GJB7: variants seen among roughly 807,000 people sequenced by gnomAD.
The protein encoded by GJB7 is gap junction protein beta 7.
For missense variants in GJB7, 253 were observed against 256.8 expected (o/e 0.99, Z 0.10); for synonymous variants, 87 against 95.2 (o/e 0.91, Z 0.50).
chr6:87,322,169 G>A (rs568096739), intron 2 of GJB7: 1 of 152,278 alleles, frequency 6.6e-6, no homozygotes, highest in South Asian at 2.1e-4. Flanking sequence ...AGGCCCTAAC[G>A]TAATGGCAGA....
At chr6:87,303,450 A>C (rs951450406) in intron 2 of GJB7, among the ~76,000 whole-genome samples, 6 of 152,250 alleles carry the variant, frequency 3.9e-5, no homozygotes, top group African/African-American at 1.4e-4. Flanking sequence ...ATAAAGGTAA[A>C]GGGATCAATT....
intron 1 of GJB7, among the ~76,000 whole-genome samples, chr6:87,328,912 G>C (rs1663874835): frequency 6.6e-6 from 1 of 152,182 alleles, no homozygotes; most frequent in South Asian, 2.1e-4. Context: ...AGACTCCGTG[G>C]GCGTAGGACC....
intron 1 of GJB7, among the ~76,000 whole-genome samples, chr6:87,328,439 G>A (rs897953560): frequency 3.0e-4 from 46 of 151,942 alleles, no homozygotes; most frequent in Non-Finnish European, 5.9e-4. Flanking sequence ...TGGTGTGGAT[G>A]TCCTTTCTGT....
intron 2 of GJB7, among the ~76,000 whole-genome samples, chr6:87,313,293 T>G (rs1355151206): frequency 6.6e-6 from 1 of 152,224 alleles, no homozygotes; most frequent in Non-Finnish European, 1.5e-5. Context: ...TTATTGAACT[T>G]AAGACTTTTC....
chr6:87,295,045 G>T (rs1429788822), intron 2 of GJB7, among the ~76,000 whole-genome samples: 1 of 151,908 alleles, frequency 6.6e-6, no homozygotes, highest in East Asian at 1.9e-4. Flanking sequence ...AACAACAGCT[G>T]CTCAATAGAT....
At chr6:87,300,041 G>C (rs1776298539) in intron 2 of GJB7, 2 of 333,010 alleles carry the variant, frequency 6.0e-6, no homozygotes, top group East Asian at 1.2e-4. Context: ...AATGCTGTAA[G>C]AGCTGCTGTT....
chr6:87,311,052 G>A (rs1252227131), intron 2 of GJB7, among the ~76,000 whole-genome samples: 3 of 152,058 alleles, frequency 2.0e-5, no homozygotes, highest in Admixed American at 6.6e-5. Context: ...ATAAGCATAT[G>A]AAAAGAGAAT....
At chr6:87,304,716 C>T (rs1307846707) in intron 2 of GJB7, among the ~76,000 whole-genome samples, 1 of 152,040 alleles carries the variant, frequency 6.6e-6, no homozygotes, top group East Asian at 1.9e-4. Flanking sequence ...GGCAGAGACA[C>T]AACAAAAAAA....
intron 2 of GJB7, among the ~76,000 whole-genome samples, chr6:87,300,971 T>C (rs541417705): frequency 1.3e-5 from 2 of 152,316 alleles, no homozygotes; most frequent in Non-Finnish European, 2.9e-5. Flanking sequence ...TAGCTATTAA[T>C]GTATTCAAGA....
At chr6:87,297,561 G>A (rs1776264799) in intron 2 of GJB7, among the ~76,000 whole-genome samples, 1 of 152,078 alleles carries the variant, frequency 6.6e-6, no homozygotes, top group African/African-American at 2.4e-5. Context: ...ATAATAAAAA[G>A]CACATTTTAA....
chr6:87,295,862 T>C (rs912477362), intron 2 of GJB7, among the ~76,000 whole-genome samples: 4 of 152,182 alleles, frequency 2.6e-5, no homozygotes, highest in African/African-American at 9.7e-5. Context: ...CCAAGAAATG[T>C]TTTGAGATCT....
Position 87,284,780 on chromosome 6 carries a change from T to C in GJB7, c.133A>G (p.Lys45Glu). Reference sequence around the variant, plus strand: ...CACTCAAACTCTTTCTGCTCATCTTTCCACACGTGCTCTGCTGCCACCATG... The same window carrying C: ...CACTCAAACTCTTTCTGCTCATCTTCCCACACGTGCTCTGCTGCCACCATG... ...VYMVAAEHVW[K>E]DEQKEFECNS... The change falls in exon 3 of 3, where the codon AAA becomes GAA. Residue 45 changes from lysine (K) to glutamate (E), a missense_variant. Lys to Glu is a moderately conservative substitution (Grantham distance 56). Transcript: ENST00000525899. 6.2e-7 allele frequency: 1 copy of C among 1,614,078 alleles called. No individual in the cohort carries two copies. Among genetic ancestry groups the C allele is most frequent in the Admixed American group, 1.7e-5 (1 of 60,016 alleles).
intron 2 of GJB7, among the ~76,000 whole-genome samples, chr6:87,310,423 T>C (rs59660308): frequency 0.011 from 1,707 of 152,222 alleles, 36 homozygotes; most frequent in African/African-American, 0.037. Flanking sequence ...GAGAAGATAT[T>C]TGCAATACAT....
chr6:87,288,644 T>A (rs929735793), intron 2 of GJB7, among the ~76,000 whole-genome samples: 2 of 152,214 alleles, frequency 1.3e-5, no homozygotes, highest in Non-Finnish European at 2.9e-5. Flanking sequence ...GCACTGATCC[T>A]TCTCAGTGTT....
At chr6:87,319,677 T>C (rs1776629007) in intron 2 of GJB7, among the ~76,000 whole-genome samples, 2 of 152,208 alleles carry the variant, frequency 1.3e-5, no homozygotes, top group Non-Finnish European at 2.9e-5. Context: ...AAGCCAGGTA[T>C]ATACCTAAAA....
At chr6:87,298,076 A>C (rs893553632) in intron 2 of GJB7, among the ~76,000 whole-genome samples, 6 of 152,236 alleles carry the variant, frequency 3.9e-5, no homozygotes, top group African/African-American at 1.2e-4. Flanking sequence ...CAGAGACAGA[A>C]TCAAAGGGAA....
At chr6:87,327,998 A>G (rs1446352322) in intron 1 of GJB7, among the ~76,000 whole-genome samples, 1 of 151,240 alleles carries the variant, frequency 6.6e-6, no homozygotes, top group Non-Finnish European at 1.5e-5. Flanking sequence ...GCTTCATTTC[A>G]TTCACTTCAT....
Position 87,284,304 on chromosome 6 carries a change from G to C in GJB7, c.609C>G (p.Leu203=), listed in dbSNP as rs959181572. ...LNFIELSFLV[L]KCFIKCCLQK... is the part of the protein sequence containing the mutation. ...GGAGACAGCACTTAATAAAGCACTT[G>C]AGAACCAAAAAACTCAGTTCAATGA... The change falls in exon 3 of 3, where the codon CTC becomes CTG. Residue 203 remains leucine (L), a synonymous_variant. Transcript: ENST00000525899. 1.9e-6 allele frequency: 3 copies of C among 1,613,788 alleles called. No individual in the cohort carries two copies. Among genetic ancestry groups the C allele is most frequent in the Admixed American group, 3.3e-5 (2 of 59,988 alleles).
intron 2 of GJB7, among the ~76,000 whole-genome samples, chr6:87,308,308 T>C (rs1776463647): frequency 6.6e-6 from 1 of 152,156 alleles, no homozygotes; most frequent in Admixed American, 6.5e-5. Flanking sequence ...CACACCAACA[T>C]GGCACATGTA....
Sources: allele counts gnomAD v4.1 joint callset (sites outside exome capture counted in the v4.1 genomes callset), GRCh38; gene constraint gnomAD v4.1.1; transcripts MANE v1.5; gene names NCBI Gene and HGNC (gene_info 2026-07-23, HGNC 2026-07-21).